Variants in HAPSTR1 observed in about 807,000 individuals in gnomAD.
The protein encoded by HAPSTR1 is HUWE1 associated protein modifying stress responses, also known as HUWE1-associated protein modifying stress responses 1.
chr16:9,092,236 G>A, the HAPSTR1 span: 3 of 1,580,764 alleles, frequency 1.9e-6, no homozygotes, highest in Non-Finnish European at 2.6e-6. Context: ...ACCTCTTCCA[G>A]AACTCGGCCA....
At chr16:9,117,267 T>C in the HAPSTR1 span, 1 of 220,032 alleles carries the variant, frequency 4.5e-6, no homozygotes, top group East Asian at 1.2e-4. Flanking sequence ...ATGCTTTTTT[T>C]TTTTTTGGGT....
the HAPSTR1 span, chr16:9,102,868 C>G: frequency 9.8e-7 from 1 of 1,024,554 alleles, no homozygotes; most frequent in Non-Finnish European, 1.4e-6. Context: ...TACTGATGGG[C>G]TCAGAGGCCA....
the HAPSTR1 span, chr16:9,119,709 C>G: frequency 3.4e-4 from 52 of 152,320 alleles, no homozygotes; most frequent in African/African-American, 1.3e-3. Context: ...TGGGGCTTGT[C>G]TGCAGTTTTG....
At chr16:9,101,808 T>C in the HAPSTR1 span, among the ~76,000 whole-genome samples, 2 of 151,978 alleles carry the variant, frequency 1.3e-5, no homozygotes, top group South Asian at 4.1e-4. Flanking sequence ...TTTGAGAGTC[T>C]GCTGTAGATG....
the HAPSTR1 span, chr16:9,111,334 A>C: frequency 6.6e-6 from 1 of 152,256 alleles, no homozygotes; most frequent in Non-Finnish European, 1.5e-5. Context: ...AGATTAATGC[A>C]CCAAAGCAGT....
the HAPSTR1 span, chr16:9,116,754 C>G: frequency 6.2e-7 from 1 of 1,613,954 alleles, no homozygotes; most frequent in African/African-American, 1.3e-5. Context: ...GAATGCTAGT[C>G]GAAGGAGAAA....
At chr16:9,118,060 A>G in the HAPSTR1 span, 2 of 152,622 alleles carry the variant, frequency 1.3e-5, no homozygotes, top group Non-Finnish European at 2.9e-5. Flanking sequence ...AAAGTTCTCA[A>G]TAGATTCCTC....
chr16:9,117,170 C>A, the HAPSTR1 span: 1 of 458,710 alleles, frequency 2.2e-6, no homozygotes, highest in Non-Finnish European at 3.9e-6. Flanking sequence ...CATAGGCAAA[C>A]ATATATCCGT....
the HAPSTR1 span, chr16:9,116,906 G>T: frequency 6.2e-7 from 1 of 1,613,512 alleles, no homozygotes; most frequent in South Asian, 1.1e-5. Flanking sequence ...GCAACAGAAT[G>T]ATCTAAACTG....
At chr16:9,092,031 G>A in the HAPSTR1 span, 7,409 of 1,495,474 alleles carry the variant, frequency 5.0e-3, 17 homozygotes, top group Non-Finnish European at 5.9e-3. Context: ...CGAGGCCGCG[G>A]GAGGCCGCGG....
the HAPSTR1 span, among the ~76,000 whole-genome samples, chr16:9,116,341 C>T: frequency 1.3e-5 from 2 of 152,196 alleles, no homozygotes; most frequent in African/African-American, 4.8e-5. Flanking sequence ...GTCTCCTGTC[C>T]TTATCTGTAA....
the HAPSTR1 span, among the ~76,000 whole-genome samples, chr16:9,097,880 A>G: frequency 6.6e-6 from 1 of 152,238 alleles, no homozygotes; most frequent in African/African-American, 2.4e-5. Flanking sequence ...ACATAGGGTT[A>G]TGCACATGAG....
At chr16:9,095,621 CTTCA>C in the HAPSTR1 span, among the ~76,000 whole-genome samples, 3 of 151,866 alleles carry the variant, frequency 2.0e-5, no homozygotes, top group East Asian at 5.8e-4. Flanking sequence ...CAATCCTGAC[CTTCA>C]TTAAGAAGGT....
chr16:9,115,758 C>T, the HAPSTR1 span, among the ~76,000 whole-genome samples: 5 of 152,062 alleles, frequency 3.3e-5, no homozygotes, highest in African/African-American at 4.8e-5. Context: ...GGATTACAGG[C>T]GCCTGCCACC....
chr16:9,113,893 T>A, the HAPSTR1 span, among the ~76,000 whole-genome samples: 2 of 152,204 alleles, frequency 1.3e-5, no homozygotes, highest in Non-Finnish European at 1.5e-5. Flanking sequence ...CCTGGGTTTA[T>A]TTTCTGGTGT....
At chr16:9,118,213 CATATT>C in the HAPSTR1 span, 3 of 152,516 alleles carry the variant, frequency 2.0e-5, no homozygotes, top group African/African-American at 7.2e-5. Context: ...TTTATTCTAT[CATATT>C]ATTATATTAT....
the HAPSTR1 span, chr16:9,113,006 T>G: frequency 2.2e-5 from 1 of 44,484 alleles, no homozygotes; most frequent in Non-Finnish European, 4.0e-5. Flanking sequence ...TACAACTTGG[T>G]TTTTTTTTTT....
At chr16:9,111,735 GATTA>G in the HAPSTR1 span, 1 of 152,154 alleles carries the variant, frequency 6.6e-6, no homozygotes, top group Admixed American at 6.6e-5. Flanking sequence ...CTGATTTTAT[GATTA>G]ATTTCTTGGA....
the HAPSTR1 span, chr16:9,110,552 T>C: frequency 1.3e-5 from 2 of 152,238 alleles, no homozygotes; most frequent in Non-Finnish European, 2.9e-5. Flanking sequence ...CCACATTTTT[T>C]TGAGAACAAA....
Sources: allele counts gnomAD v4.1 joint callset (sites outside exome capture counted in the v4.1 genomes callset), GRCh38; gene constraint gnomAD v4.1.1; transcripts MANE v1.5; gene names NCBI Gene and HGNC (gene_info 2026-07-23, HGNC 2026-07-21).